HEATR5B: variants seen among roughly 807,000 people sequenced by gnomAD.
The protein encoded by HEATR5B is HEAT repeat-containing protein 5B.
A neutral mutation model predicts 224.1 loss-of-function variants in HEATR5B; 156 were observed. The ratio of observed to expected loss-of-function variants is 0.70; its 90% CI spans 0.61 to 0.80. HEATR5B has a LOEUF of 0.80. HEATR5B is among the 30% of genes least tolerant of loss of function. HEATR5B has a pLI of 0.00. For synonymous variants in HEATR5B, 1,027 were observed against 893.0 expected (o/e 1.15, Z -2.68); for missense variants, 2,323 against 2,535.5 (o/e 0.92, Z 1.80).
intron 5 of HEATR5B, 23 bp from the exon 6 acceptor site, chr2:37,072,304 A>G: frequency 6.5e-7 from 1 of 1,545,730 alleles, no homozygotes; most frequent in Non-Finnish European, 8.9e-7. Context: ...ACAAAAAAGT[A>G]AATAACATCC....
chr2:37,077,599 C>T (rs1175507683), intron 3 of HEATR5B, among the ~76,000 whole-genome samples: 2 of 152,222 alleles, frequency 1.3e-5, no homozygotes, highest in Non-Finnish European at 2.9e-5. Flanking sequence ...TGAGCCACAG[C>T]GCCCGGCCCC....
intron 4 of HEATR5B, 87 bp downstream of exon 4, chr2:37,076,824 T>C (rs1428310042): frequency 1.4e-5 from 14 of 979,558 alleles, no homozygotes; most frequent in Non-Finnish European, 2.1e-5. Context: ...GAGACCACAG[T>C]GACAGAAAAA....
intron 21 of HEATR5B, among the ~76,000 whole-genome samples, chr2:37,037,430 A>T (rs1156278888): frequency 6.6e-6 from 1 of 152,042 alleles, no homozygotes; most frequent in African/African-American, 2.4e-5. Flanking sequence ...GGTGTGAGCC[A>T]CAGCGCCTGG....
chr2:37,029,023 C>T, intron 22 of HEATR5B, 103 bp from the exon 23 acceptor site: 8 of 1,128,402 alleles, frequency 7.1e-6, no homozygotes, highest in Non-Finnish European at 8.9e-6. Context: ...TCACAACAGC[C>T]ACAAAACCAG....
At chr2:37,014,348 G>A (rs565069422) in intron 26 of HEATR5B, among the ~76,000 whole-genome samples, 1 of 151,902 alleles carries the variant, frequency 6.6e-6, no homozygotes, top group African/African-American at 2.4e-5. Context: ...ATTTTTAGTA[G>A]AGACGGGGTT....
At chr2:37,062,123 A>T (rs1366409548) in intron 10 of HEATR5B, 73 bp from the exon 11 acceptor site, 2 of 909,952 alleles carry the variant, frequency 2.2e-6, no homozygotes, top group East Asian at 5.0e-5. Flanking sequence ...TAACTAGCAT[A>T]CATTACTTAA....
chr2:36,982,233 A>G (rs1665629395), intron 35 of HEATR5B, among the ~76,000 whole-genome samples: 1 of 152,182 alleles, frequency 6.6e-6, no homozygotes, highest in South Asian at 2.1e-4. Flanking sequence ...TAGAAATACA[A>G]TACAACTTTT....
chr2:37,070,906 T>C (rs534899796), intron 6 of HEATR5B, among the ~76,000 whole-genome samples: 7 of 152,310 alleles, frequency 4.6e-5, no homozygotes, highest in African/African-American at 1.7e-4. Context: ...GGTATAAAGC[T>C]CATGGCTAAG....
intron 5 of HEATR5B, among the ~76,000 whole-genome samples, chr2:37,073,499 C>A (rs1402595467): frequency 1.3e-5 from 2 of 152,170 alleles, no homozygotes; most frequent in Non-Finnish European, 2.9e-5. Context: ...CCGTCTCAGC[C>A]TCCCAAAGTG....
intron 30 of HEATR5B, among the ~76,000 whole-genome samples, chr2:37,004,439 T>TC (rs1168104966): frequency 1.3e-5 from 2 of 151,180 alleles, no homozygotes; most frequent in African/African-American, 4.9e-5. Flanking sequence ...TTATCACATG[T>TC]CCCCCCTGCA....
chr2:37,068,552 A>G (rs1572930496), intron 8 of HEATR5B, 129 bp downstream of exon 8: 2 of 921,946 alleles, frequency 2.2e-6, no homozygotes, highest in South Asian at 3.4e-5. Context: ...AAATAAGAGT[A>G]CTCAATAAAA....
At chr2:37,018,261 G>C (rs946442559) in intron 26 of HEATR5B, among the ~76,000 whole-genome samples, 1 of 152,102 alleles carries the variant, frequency 6.6e-6, no homozygotes. Flanking sequence ...TCATATACAA[G>C]ATACAATTCT....
intron 35 of HEATR5B, 76 bp from the exon 36 acceptor site, chr2:36,981,870 TG>T: frequency 9.3e-7 from 1 of 1,074,592 alleles, no homozygotes; most frequent in Non-Finnish European, 1.3e-6. Flanking sequence ...GCAATTGCCA[TG>T]GAAGACTGAA....
Position 36,988,699 on chromosome 2 carries a change from T to A in HEATR5B, c.5858A>T (p.Gln1953Leu). Residue 1953 changes from glutamine to leucine, a missense_variant, in exon 35 of 36, where the codon CAA becomes CTA. Physicochemically the swap from Gln to Leu is moderately radical, Grantham distance 113 (BLOSUM62 -2). Transcript: ENST00000233099. Reference protein sequence around the residue: ...PASNIELLAVQEGIKVLETLV... With the variant: ...PASNIELLAVLEGIKVLETLV... ...TGTTTCAAGAACTTTTATTCCTTCTTGAACCGCTAAAAGCTCTATGTTACT... is the reference window on the plus strand; with the variant it reads ...TGTTTCAAGAACTTTTATTCCTTCTAGAACCGCTAAAAGCTCTATGTTACT... The A allele has an allele frequency of 6.2e-7, 1 of 1,614,192 alleles. No individual in the cohort carries two copies. The highest frequency in any genetic ancestry group is 8.5e-7 in the Non-Finnish European group (1 of 1,180,020).
intron 27 of HEATR5B, among the ~76,000 whole-genome samples, chr2:37,010,442 C>A (rs977481533): frequency 1.3e-5 from 2 of 152,038 alleles, no homozygotes; most frequent in Admixed American, 6.6e-5. Context: ...GACTTTGGAT[C>A]TCAAGTTATG....
chr2:37,028,162 G>A lies in HEATR5B; in HGVS notation c.3614C>T (p.Ala1205Val). Residue 1205 changes from alanine (A) to valine (V), a missense_variant, in exon 24 of 36, where the codon GCA becomes GTA. Coordinates refer to ENST00000233099, the MANE Select transcript of HEATR5B (RefSeq NM_019024.3). ...VLAASSDMST[A>V]TLLSSGKDEE... ...ATCTTTTCCACTACTTAAGAGAGTTGCAGTACTCATATCTATAACAAGAAT... is the reference window on the plus strand; with the variant it reads ...ATCTTTTCCACTACTTAAGAGAGTTACAGTACTCATATCTATAACAAGAAT... 1 of 1,602,380 alleles carries A rather than the reference G, an allele frequency of 6.2e-7. No individual in the cohort carries two copies. Among genetic ancestry groups the A allele is most frequent in the Non-Finnish European group, 8.5e-7 (1 of 1,169,638 alleles).
rs769544902 is a variant in HEATR5B, at chr2:37,058,938, C to T, written c.1899G>A (p.Val633=). The part of the protein sequence containing the change: ...AHCPELLTED[V]IRKLMTPIEC... ...CAATAGGGGTCATCAATTTTCGAAT[C>T]ACATCTTCAGTTAGTAGCTCAGGAC... The change falls in exon 13 of 36, where the codon GTG becomes GTA. Residue 633 remains valine (V), a synonymous_variant. Coordinates refer to ENST00000233099, the MANE Select transcript of HEATR5B (RefSeq NM_019024.3). 4 of 1,611,320 alleles carry T rather than the reference C, an allele frequency of 2.5e-6. No homozygotes were observed. In the Admixed American group the frequency reaches 5.0e-5, roughly 20 times the overall value.
chr2:37,047,771 C>G (rs1242133807), intron 18 of HEATR5B, among the ~76,000 whole-genome samples: 1 of 152,052 alleles, frequency 6.6e-6, no homozygotes, highest in East Asian at 1.9e-4. Context: ...ATTTCACAGT[C>G]AGATATTATA....
At chr2:36,992,293 G>A (rs2148340289) in intron 33 of HEATR5B, among the ~76,000 whole-genome samples, 1 of 152,164 alleles carries the variant, frequency 6.6e-6, no homozygotes, top group East Asian at 1.9e-4. Flanking sequence ...AAAAACCTGA[G>A]AACCCACCCA....
Sources: gnomAD v4.1 joint callset for allele counts (sites outside exome capture counted in the v4.1 genomes callset) on GRCh38, gnomAD v4.1.1 for gene constraint, MANE v1.5 for transcripts, NCBI Gene and HGNC (gene_info 2026-07-23, HGNC 2026-07-21) for gene names.